The following COL21A1 variants were observed in gnomAD, a reference collection of about 807,000 sequenced individuals.
COL21A1 encodes the protein collagen alpha-1(XXI) chain.
A neutral mutation model predicts 137.9 loss-of-function variants in COL21A1; 149 were observed. The observed-to-expected ratio is 1.08, with a 90% CI of 0.95 to 1.24. The LOEUF (loss-of-function observed/expected upper bound fraction) is 1.24. Ranked by LOEUF, COL21A1 falls within the 50% of genes most tolerant of loss-of-function variation. The pLI, the probability that COL21A1 is intolerant of heterozygous loss-of-function variation, is 0.00. For synonymous variants in COL21A1, 456 were observed against 391.5 expected, an observed-to-expected ratio of 1.16 and a Z score of -1.95; for missense variants, 1,167 against 1,158.4, an observed-to-expected ratio of 1.01 and a Z score of -0.11.
chr6:56,136,397 C>T (rs1175722580), intron 12 of COL21A1, among the ~76,000 whole-genome samples: 2 of 152,186 alleles, frequency 1.3e-5, no homozygotes, highest in South Asian at 2.1e-4. Flanking sequence ...ACAGTCAACA[C>T]TCTTGGGTGC....
At chr6:56,304,582 C>G (rs1316055666) in intron 1 of COL21A1, among the ~76,000 whole-genome samples, 1 of 151,148 alleles carries the variant, frequency 6.6e-6, no homozygotes, top group Non-Finnish European at 1.5e-5. Flanking sequence ...GGTGATATCC[C>G]CTTTATCATT....
At chr6:56,384,337 C>T (rs997157747) in intron 1 of COL21A1, among the ~76,000 whole-genome samples, 52 of 152,216 alleles carry the variant, frequency 3.4e-4, no homozygotes, top group African/African-American at 1.2e-3. Flanking sequence ...GGTTTTCCTT[C>T]TCCCCTTTCA....
upstream of COL21A1, among the ~76,000 whole-genome samples, chr6:56,250,559 C>T (rs989914549): frequency 3.9e-5 from 6 of 152,134 alleles, no homozygotes; most frequent in Non-Finnish European, 8.8e-5. Flanking sequence ...AACCAGTGAG[C>T]CTAGAAGATG....
At chr6:56,165,276 T>C (rs74701501) in intron 7 of COL21A1, among the ~76,000 whole-genome samples, 10,177 of 152,236 alleles carry the variant, frequency 0.067, 402 homozygotes, top group Admixed American at 0.11. Flanking sequence ...TTAAATAACA[T>C]ACAATTTTAA....
In COL21A1 at chr6:56,060,890, C is replaced by T. The variant is rs760027373; in HGVS notation, c.2352+1G>A. Reference sequence around the variant, plus strand: ...AACTGTGAAAGAAGCAGAATACATACGGGCTTCCCATCCAAACCTGGGGGT... The same window carrying T: ...AACTGTGAAAGAAGCAGAATACATATGGGCTTCCCATCCAAACCTGGGGGT... On this transcript the variant is annotated splice_donor_variant, in intron 26 of 29. Coordinates refer to ENST00000244728, the MANE Select transcript of COL21A1 (RefSeq NM_030820.4). LOFTEE classifies it high-confidence loss of function. 20 of 1,581,824 alleles carry T rather than the reference C, an allele frequency of 1.3e-5. No individual in the cohort carries two copies. Among genetic ancestry groups the T allele is most frequent in the Middle Eastern group, 1.7e-4 (1 of 5,856 alleles).
At chr6:56,208,548 T>C (rs1293483714) in intron 1 of COL21A1, among the ~76,000 whole-genome samples, 1 of 152,140 alleles carries the variant, frequency 6.6e-6, no homozygotes, top group Non-Finnish European at 1.5e-5. Flanking sequence ...GGAAAAACAT[T>C]CCATGCTCAT....
rs35424168 is a variant in COL21A1, at chr6:56,390,495, GACACAC to G, written c.-39+3470_-39+3475del. Among the ~76,000 whole-genome samples the G allele has an allele frequency of 4.4e-4, 62 of 139,868 alleles. 1 individual carries two copies. The highest frequency in any genetic ancestry group is 9.6e-4 in the South Asian group (4 of 4,168). The allele number at this position is 139,868 out of a possible 152,430, so 91.8% of individuals were successfully genotyped here. On this transcript the variant is annotated intron_variant, in intron 1 of 28. Transcript: ENST00000370819. ...ATCAAATACATAGAGTGGCTGAATG[GACACAC>G]ACACACACACACACACACACACACA...
chr6:56,061,807 T>A (rs921565155), intron 24 of COL21A1, 126 bp from the exon 25 acceptor site: 1 of 589,142 alleles, frequency 1.7e-6, no homozygotes, highest in African/African-American at 1.9e-5. Context: ...ATAGCATTAG[T>A]GACAGAATTA....
intron 1 of COL21A1, among the ~76,000 whole-genome samples, chr6:56,284,882 T>C (rs1763868639): frequency 6.6e-6 from 1 of 152,216 alleles, no homozygotes; most frequent in Non-Finnish European, 1.5e-5. Context: ...GACATGGTTT[T>C]CTCTCCTCTG....
chr6:56,358,048 A>T (rs1234848856), intron 1 of COL21A1, among the ~76,000 whole-genome samples: 1 of 152,232 alleles, frequency 6.6e-6, no homozygotes, highest in African/African-American at 2.4e-5. Context: ...TAAGCCTAAT[A>T]CAGCTCTTTC....
intron 1 of COL21A1, among the ~76,000 whole-genome samples, chr6:56,310,064 G>T (rs1324187465): frequency 2.0e-5 from 3 of 152,178 alleles, no homozygotes; most frequent in Non-Finnish European, 2.9e-5. Context: ...ATAACTGAGT[G>T]AAAGGGTAAA....
chr6:56,365,752 G>C (rs1766084011), intron 1 of COL21A1, among the ~76,000 whole-genome samples: 2 of 152,172 alleles, frequency 1.3e-5, no homozygotes, highest in African/African-American at 4.8e-5. Context: ...TGGGAGGGTG[G>C]TGAGTGGGTA....
At chr6:56,173,454 A>G (rs959385513) in intron 3 of COL21A1, among the ~76,000 whole-genome samples, 1 of 152,044 alleles carries the variant, frequency 6.6e-6, no homozygotes, top group Non-Finnish European at 1.5e-5. Flanking sequence ...GGAAAGGAAA[A>G]GAAAAGAGAA....
At chr6:56,280,419 G>A (rs1195900966) in intron 1 of COL21A1, among the ~76,000 whole-genome samples, 1 of 152,150 alleles carries the variant, frequency 6.6e-6, no homozygotes, top group African/African-American at 2.4e-5. Context: ...GCAGCTCAGT[G>A]TAACTATCAC....
chr6:56,269,199 C>G (rs1304544754), intron 1 of COL21A1, among the ~76,000 whole-genome samples: 1 of 152,126 alleles, frequency 6.6e-6, no homozygotes, highest in Non-Finnish European at 1.5e-5. Context: ...AGGACATAGT[C>G]CACAAAAATT....
intron 1 of COL21A1, among the ~76,000 whole-genome samples, chr6:56,371,716 C>T (rs2093988924): frequency 6.6e-6 from 1 of 152,148 alleles, no homozygotes; most frequent in Non-Finnish European, 1.5e-5. Flanking sequence ...AGTGTCTGAG[C>T]CATTCAGGAG....
At chr6:56,107,317 G>A (rs1388075238) in intron 16 of COL21A1, among the ~76,000 whole-genome samples, 1 of 151,578 alleles carries the variant, frequency 6.6e-6, no homozygotes, top group Non-Finnish European at 1.5e-5. Context: ...GCTCAGAAAC[G>A]ATAGAAGACA....
chr6:56,283,653 A>C (rs1301691899), intron 1 of COL21A1, among the ~76,000 whole-genome samples: 1 of 152,238 alleles, frequency 6.6e-6, no homozygotes, highest in Non-Finnish European at 1.5e-5. Context: ...AGAACCACAA[A>C]CAAGAAAATG....
rs1018709010 is a variant in COL21A1, at chr6:56,179,850, G to A, written c.368C>T (p.Ala123Val). ...NTKTGKAIQF[A>V]LDYLFAKSSR... is the part of the protein sequence containing the mutation. ...GGACTTGGCAAAAAGGTAATCGAGC[G>A]CAAACTGGATGGCCTTCCCTGTCTT... is the stretch of plus-strand genomic sequence containing the variant. The change falls in exon 3 of 30, where the codon GCG becomes GTG. Residue 123 changes from alanine (A) to valine (V), a missense_variant. Transcript: ENST00000244728. 1.8e-5 allele frequency: 29 copies of A among 1,613,766 alleles called. No individual in the cohort carries two copies. Among genetic ancestry groups the A allele is most frequent in the Middle Eastern group, 1.6e-4 (1 of 6,084 alleles).
Sources: gnomAD v4.1 joint callset for allele counts (sites outside exome capture counted in the v4.1 genomes callset) on GRCh38, gnomAD v4.1.1 for gene constraint, MANE v1.5 for transcripts, NCBI Gene and HGNC (gene_info 2026-07-23, HGNC 2026-07-21) for gene names.